RXFP1: variants seen among roughly 807,000 people sequenced by gnomAD.
The protein encoded by RXFP1 is relaxin family peptide receptor 1.
Under a neutral mutation model 89.8 loss-of-function variants are expected in RXFP1, and 73 were observed. The observed-to-expected ratio is 0.81, with a 90% confidence interval of 0.67 to 0.99. RXFP1 has a LOEUF of 0.99. Ranked by LOEUF, RXFP1 falls within the 50% of genes least tolerant of loss-of-function variation. The pLI, the probability that RXFP1 is intolerant of heterozygous loss-of-function variation, is 0.00. For missense variants in RXFP1, 793 were observed against 895.5 expected, an observed-to-expected ratio of 0.89 and a Z score of 1.46; for synonymous variants, 277 against 305.5, an observed-to-expected ratio of 0.91 and a Z score of 0.97.
chr4:158,584,155 C>A (rs1757864780), intron 2 of RXFP1, among the ~76,000 whole-genome samples: 1 of 152,120 alleles, frequency 6.6e-6, no homozygotes, highest in African/African-American at 2.4e-5. Flanking sequence ...CACTTTAGGG[C>A]CAGACATGGT....
intron 1 of RXFP1, among the ~76,000 whole-genome samples, chr4:158,525,792 G>A (rs1342344515): frequency 6.6e-6 from 1 of 152,164 alleles, no homozygotes; most frequent in East Asian, 1.9e-4. Flanking sequence ...ATAGGAAACA[G>A]AGAATGAGAA....
chr4:158,523,442 C>G (rs1312206041), intron 1 of RXFP1, among the ~76,000 whole-genome samples: 2 of 152,074 alleles, frequency 1.3e-5, no homozygotes, highest in Admixed American at 1.3e-4. Context: ...GAAAAAAATT[C>G]CATGTTTACC....
intron 1 of RXFP1, among the ~76,000 whole-genome samples, chr4:158,560,602 TA>T: frequency 6.6e-6 from 1 of 152,350 alleles, no homozygotes; most frequent in Non-Finnish European, 1.5e-5. Flanking sequence ...TTTTCTCACC[TA>T]AAGAGGAGTC....
chr4:158,622,551 C>T (rs934305663), intron 9 of RXFP1, among the ~76,000 whole-genome samples: 6 of 152,110 alleles, frequency 3.9e-5, no homozygotes, highest in Admixed American at 3.3e-4. Context: ...AAACAGAGAT[C>T]CTGCCATTTT....
chr4:158,626,120 A>ATAGATAGG (rs1766691884), intron 9 of RXFP1, among the ~76,000 whole-genome samples: 1 of 63,552 alleles, frequency 1.6e-5, no homozygotes, highest in South Asian at 6.3e-4. Context: ...ATATAGATAG[A>ATAGATAGG]TAGATAGATA....
chr4:158,528,348 A>C (rs1007078513), intron 1 of RXFP1, among the ~76,000 whole-genome samples: 1 of 152,158 alleles, frequency 6.6e-6, no homozygotes, highest in Non-Finnish European at 1.5e-5. Flanking sequence ...TCTACAAAAA[A>C]TACAAAATTT....
chr4:158,538,345 G>A (rs559869930), intron 1 of RXFP1, among the ~76,000 whole-genome samples: 30 of 152,294 alleles, frequency 2.0e-4, no homozygotes, highest in African/African-American at 5.3e-4. Flanking sequence ...ACGATGGCTC[G>A]CACTCTGGGG....
chr4:158,550,761 G>A (rs755400077), intron 1 of RXFP1, among the ~76,000 whole-genome samples: 2 of 152,188 alleles, frequency 1.3e-5, no homozygotes, highest in Admixed American at 6.5e-5. Context: ...TTAAGAACAC[G>A]TGTTCTGGAA....
At chr4:158,628,778 G>A in intron 11 of RXFP1, 69 bp downstream of exon 11, 1 of 754,812 alleles carries the variant, frequency 1.3e-6, no homozygotes, top group Non-Finnish European at 2.1e-6. Flanking sequence ...GTACTTACAT[G>A]TGTTTATACA....
At chr4:158,558,057 C>T (rs897578938) in intron 1 of RXFP1, among the ~76,000 whole-genome samples, 3 of 152,240 alleles carry the variant, frequency 2.0e-5, no homozygotes, top group Non-Finnish European at 4.4e-5. Context: ...ATTTTTCCTA[C>T]AAGGTAAGCC....
In RXFP1 at chr4:158,612,202, GTA is replaced by G; in HGVS notation, c.608+3_608+4del. 6.2e-7 allele frequency: 1 copy of G among 1,610,884 alleles called. No homozygotes were observed. The highest frequency in any genetic ancestry group is 1.3e-5 in the African/African-American group (1 of 74,874). Reference sequence around the variant, plus strand: ...AAGATCTTCACAGACTAGAATGGCTGTATGTTTAATTTATGTGGCATTTTATT... The same window carrying G: ...AAGATCTTCACAGACTAGAATGGCTGTGTTTAATTTATGTGGCATTTTATT... On this transcript the variant is annotated splice_donor_variant and splice_donor_region_variant and intron_variant, in intron 7 of 17. Transcript: ENST00000307765. LOFTEE classifies it high-confidence loss of function.
chr4:158,579,751 A>G (rs1012007461), intron 2 of RXFP1, among the ~76,000 whole-genome samples: 1 of 152,236 alleles, frequency 6.6e-6, no homozygotes, highest in African/African-American at 2.4e-5. Context: ...AGTGGATTTT[A>G]GACAGAATTT....
At chr4:158,614,177 A>G (rs531502311) in intron 8 of RXFP1, among the ~76,000 whole-genome samples, 2 of 152,188 alleles carry the variant, frequency 1.3e-5, no homozygotes, top group South Asian at 2.1e-4. Flanking sequence ...GAGCACAGGC[A>G]GAGTAGATTT....
At chr4:158,527,683 C>A (rs978679178) in intron 1 of RXFP1, among the ~76,000 whole-genome samples, 1 of 151,434 alleles carries the variant, frequency 6.6e-6, no homozygotes, top group Non-Finnish European at 1.5e-5. Context: ...GTCTGATCCT[C>A]AAGTAAATTG....
intron 13 of RXFP1, 36 bp from the exon 14 acceptor site, chr4:158,639,224 T>G (rs1407567328): frequency 8.7e-7 from 1 of 1,151,120 alleles, no homozygotes; most frequent in Non-Finnish European, 1.3e-6. Flanking sequence ...GTATAATACA[T>G]GTTCCTTTGA....
intron 12 of RXFP1, among the ~76,000 whole-genome samples, chr4:158,634,587 A>G (rs1413995958): frequency 6.6e-6 from 1 of 152,222 alleles, no homozygotes; most frequent in Admixed American, 6.5e-5. Flanking sequence ...CATATCCAAA[A>G]TAACACCAAA....
intron 15 of RXFP1, among the ~76,000 whole-genome samples, chr4:158,645,544 A>G (rs1279880848): frequency 6.6e-6 from 1 of 152,184 alleles, no homozygotes; most frequent in East Asian, 1.9e-4. Context: ...TAACAACTAC[A>G]TGTTTTCCTG....
chr4:158,567,621 C>G (rs1011771045), intron 1 of RXFP1, among the ~76,000 whole-genome samples: 2 of 152,228 alleles, frequency 1.3e-5, no homozygotes, highest in South Asian at 4.1e-4. Context: ...TGTGAATGCA[C>G]CAATCAGCAC....
At chr4:158,559,722 C>T (rs745279) in intron 1 of RXFP1, among the ~76,000 whole-genome samples, 8,064 of 152,258 alleles carry the variant, frequency 0.053, 310 homozygotes, top group Middle Eastern at 0.092. Flanking sequence ...GGTAGAAATT[C>T]TTCATAGAAT....
Sources: allele counts gnomAD v4.1 joint callset (sites outside exome capture counted in the v4.1 genomes callset), GRCh38; gene constraint gnomAD v4.1.1; transcripts MANE v1.5; gene names NCBI Gene and HGNC (gene_info 2026-07-23, HGNC 2026-07-21).